Variants in CACNA1I observed in about 807,000 individuals in gnomAD.
The protein encoded by CACNA1I is calcium voltage-gated channel subunit alpha1 I.
CACNA1I carries 74 observed loss-of-function variants against 201.6 expected under a neutral mutation model. The ratio of observed to expected loss-of-function variants is 0.37; its 90% CI spans 0.30 to 0.45. The LOEUF is 0.45. Ranked by LOEUF, CACNA1I falls within the 20% of genes least tolerant of loss-of-function variation. CACNA1I has a pLI of 1.00. For missense variants in CACNA1I, 2,346 were observed against 3,138.1 expected (o/e 0.75, Z 6.03); for synonymous variants, 1,431 against 1,345.2 (o/e 1.06, Z -1.40).
rs966218626 is a variant in CACNA1I, at chr22:39,661,919, G to C, written c.2902-46G>C. 3 of 1,312,104 alleles carry C rather than the reference G, an allele frequency of 2.3e-6. No individual in the cohort carries two copies. In the African/African-American group the frequency reaches 4.7e-5, roughly 21 times the overall value. 81.3% of individuals were successfully genotyped at this position (1,312,104 alleles called of 1,614,324 possible). Reference sequence around the variant, plus strand: ...CCTTTGGGCACCTGGTGCCCCAGCCGTGGGTGTGCCTGTGGGGCGCTGACC... The same window carrying C: ...CCTTTGGGCACCTGGTGCCCCAGCCCTGGGTGTGCCTGTGGGGCGCTGACC... On this transcript the variant is annotated intron_variant, in intron 16 of 36. Transcript: ENST00000402142.
chr22:39,647,867 G>A lies in CACNA1I; in HGVS notation c.1508G>A (p.Ser503Asn), dbSNP rs1934536619. 19 of 1,613,712 alleles carry A rather than the reference G, an allele frequency of 1.2e-5. No individual in the cohort carries two copies. Among genetic ancestry groups the A allele is most frequent in the Non-Finnish European group, 1.6e-5 (19 of 1,179,772 alleles). ...GGAGATGAAGGGAGACATCTCGGAA[G>A]CCGGCATTGCCAGACTTTGCATGGG... ...GQGDEGRHLGSRHCQTLHGPA... is the reference protein window; with the variant it reads ...GQGDEGRHLGNRHCQTLHGPA... Residue 503 changes from serine (S) to asparagine (N), a missense_variant, in exon 9 of 37, where the codon AGC becomes AAC. By Grantham distance (46) the Ser-to-Asn change is conservative (BLOSUM62 1). Transcript: ENST00000402142.
rs1601529777 is a variant in CACNA1I at position 39,679,838 on chromosome 22, C to T, written c.5511C>T (p.Gly1837=). 7 of 1,612,626 alleles carry T rather than the reference C, an allele frequency of 4.3e-6. No homozygotes were observed. In the East Asian group the frequency reaches 1.6e-4, roughly 36 times the overall value. The change falls in exon 33 of 37, where the codon GGC becomes GGT. Residue 1837 remains glycine, a synonymous_variant. Coordinates refer to ENST00000402142, the MANE Select transcript of CACNA1I (RefSeq NM_021096.4). ...TCCACCACTACTCCTCGCCTGCCGGCTGCAAGAAGTGTCACCACGACAAGC... is the reference window on the plus strand; with the variant it reads ...TCCACCACTACTCCTCGCCTGCCGGTTGCAAGAAGTGTCACCACGACAAGC... ...SIFHHYSSPA[G]CKKCHHDKQE... is the part of the protein sequence containing the mutation.
intron 4 of CACNA1I, among the ~76,000 whole-genome samples, chr22:39,628,880 G>A (rs1933972422): frequency 6.6e-6 from 1 of 152,172 alleles, no homozygotes; most frequent in South Asian, 2.1e-4. Flanking sequence ...GGCAGAGGCT[G>A]GCACGCGTCT....
At chr22:39,613,656 G>A (rs1933445810) in intron 3 of CACNA1I, among the ~76,000 whole-genome samples, 1 of 152,194 alleles carries the variant, frequency 6.6e-6, no homozygotes, top group South Asian at 2.1e-4. Context: ...GAGGATGCTG[G>A]CCCTGGTCCT....
rs370762579 is a variant in CACNA1I at position 39,679,127 on chromosome 22, C to T, written c.5076C>T (p.Thr1692=). The T allele has an allele frequency of 3.1e-6, 5 of 1,593,762 alleles. No homozygotes were observed. The highest frequency in any genetic ancestry group is 4.3e-6 in the Non-Finnish European group (5 of 1,171,216). ...GIMKDTLRDC[T]HDERSCLSSL... ...CGCAGGACACGCTGCGGGACTGCACCCACGACGAGCGCAGCTGCCTGAGCA... is the reference window on the plus strand; with the variant it reads ...CGCAGGACACGCTGCGGGACTGCACTCACGACGAGCGCAGCTGCCTGAGCA... Residue 1692 remains threonine (T), a synonymous_variant, in exon 32 of 37, where the codon ACC becomes ACT. Transcript: ENST00000402142.
chr22:39,625,949 G>A (rs1268699036), intron 4 of CACNA1I, among the ~76,000 whole-genome samples: 1 of 152,196 alleles, frequency 6.6e-6, no homozygotes, highest in African/African-American at 2.4e-5. Flanking sequence ...AGAAACGAGG[G>A]CAGTCACTGC....
rs573555722 is a variant in CACNA1I, at chr22:39,574,128, G to C, written c.236+3140G>C. On this transcript the variant is annotated intron_variant, in intron 1 of 36. Transcript: ENST00000402142. ...GTGTCAGCTCTGGGACACTCAGACT[G>C]AAAACTTCTGCGACAGTCTAAGGGT... 7.7e-4 allele frequency among the ~76,000 whole-genome samples: 118 copies of C among 152,306 alleles called. 1 individual carries two copies. The highest frequency in any genetic ancestry group is 2.8e-3 in the African/African-American group (115 of 41,560).
intron 6 of CACNA1I, 79 bp downstream of exon 6, chr22:39,641,261 A>G: frequency 7.9e-7 from 1 of 1,265,374 alleles, no homozygotes; most frequent in Non-Finnish European, 1.1e-6. Flanking sequence ...TGTGCTAGGC[A>G]TTTGCCAGCC....
chr22:39,670,703 C>G, intron 25 of CACNA1I, 100 bp from the exon 26 acceptor site: 4 of 1,145,212 alleles, frequency 3.5e-6, no homozygotes, highest in Non-Finnish European at 2.6e-6. Context: ...TCCTCTTTGC[C>G]CCCTCCCTTT....
At chr22:39,595,349 C>A (rs571572648) in intron 1 of CACNA1I, among the ~76,000 whole-genome samples, 1 of 151,888 alleles carries the variant, frequency 6.6e-6, no homozygotes, top group African/African-American at 2.4e-5. Flanking sequence ...TTAGGCCAGG[C>A]ACAATGGCTC....
intron 10 of CACNA1I, among the ~76,000 whole-genome samples, chr22:39,654,676 C>G (rs540712513): frequency 6.6e-6 from 1 of 152,256 alleles, no homozygotes; most frequent in Admixed American, 6.5e-5. Flanking sequence ...GAGAGAAACA[C>G]CAACATGGAC....
chr22:39,599,401 C>T (rs1221201959), intron 2 of CACNA1I, among the ~76,000 whole-genome samples: 6 of 142,040 alleles, frequency 4.2e-5, no homozygotes, highest in Non-Finnish European at 7.7e-5. Flanking sequence ...GGGCGGATCA[C>T]GAGGTCAGGA....
At chr22:39,571,469 T>C (rs1232699095) in intron 1 of CACNA1I, among the ~76,000 whole-genome samples, 1 of 152,166 alleles carries the variant, frequency 6.6e-6, no homozygotes, top group Non-Finnish European at 1.5e-5. Context: ...TGCCTCCACT[T>C]GCTGCCTCCA....
At chr22:39,627,849 T>C (rs1315055255) in intron 4 of CACNA1I, among the ~76,000 whole-genome samples, 1 of 135,852 alleles carries the variant, frequency 7.4e-6, no homozygotes, top group Non-Finnish European at 1.5e-5. Context: ...ACAGCCCCCA[T>C]GGGGAAGGAA....
chr22:39,685,671 C>A lies in CACNA1I; in HGVS notation c.6028-90C>A. The A allele has an allele frequency of 3.6e-6, 4 of 1,126,314 alleles. No individual in the cohort carries two copies. Among genetic ancestry groups the A allele is most frequent in the Non-Finnish European group, 4.7e-6 (4 of 852,624 alleles). The allele number at this position is 1,126,314 out of a possible 1,614,324, so 69.8% of individuals were successfully genotyped here. A position where few individuals can be genotyped will look rare whatever the true frequency, so the allele number is the denominator to read the frequency against. On this transcript the variant is annotated intron_variant, in intron 36 of 36. Coordinates refer to ENST00000402142, the MANE Select transcript of CACNA1I (RefSeq NM_021096.4). The surrounding 1 kb of genome is among the most constrained non-coding windows in gnomAD (Gnocchi z 5.0). ...AGGGAGCTCCTTGGATGGGGTCTGC[C>A]TGCTGCCTGCTGTGCGGGGGAGGGC...
chr22:39,606,341 CTT>C (rs1933219018), intron 3 of CACNA1I, among the ~76,000 whole-genome samples: 2 of 152,192 alleles, frequency 1.3e-5, no homozygotes, highest in South Asian at 4.1e-4. Context: ...ACGTGAAAAA[CTT>C]TGCACTTACT....
intron 10 of CACNA1I, among the ~76,000 whole-genome samples, chr22:39,651,146 G>A (rs949253444): frequency 2.0e-5 from 3 of 151,800 alleles, no homozygotes; most frequent in East Asian, 1.9e-4. Context: ...GTCCAACGGC[G>A]GGGAAGTCAC....
At chr22:39,636,478 C>G (rs1934221812) in intron 5 of CACNA1I, among the ~76,000 whole-genome samples, 1 of 152,246 alleles carries the variant, frequency 6.6e-6, no homozygotes, top group Non-Finnish European at 1.5e-5. Flanking sequence ...GTGTTATTAA[C>G]TCACATGCCC....
At chr22:39,605,098 A>AC (rs1207131384) in intron 3 of CACNA1I, among the ~76,000 whole-genome samples, 1 of 8,818 alleles carries the variant, frequency 1.1e-4, no homozygotes, top group African/African-American at 4.4e-4. Context: ...CTGCCCACCC[A>AC]CCCCCCAAAT....
Sources: gnomAD v4.1 joint callset for allele counts (sites outside exome capture counted in the v4.1 genomes callset) on GRCh38, gnomAD v4.1.1 for gene constraint, Gnocchi (gnomAD v3.1) non-coding constraint, MANE v1.5 for transcripts, NCBI Gene and HGNC (gene_info 2026-07-23, HGNC 2026-07-21) for gene names.